Variants in HMGCLL1 observed in about 807,000 individuals in gnomAD.
The protein encoded by HMGCLL1 is 3-hydroxymethyl-3-methylglutaryl-CoA lyase, cytoplasmic.
HMGCLL1 carries 36 observed loss-of-function variants against 39.1 expected under a neutral mutation model. The observed-to-expected ratio is 0.92, with a 90% CI of 0.71 to 1.22. The LOEUF is 1.22. HMGCLL1 is among the 50% of genes most tolerant of loss of function. HMGCLL1 has a pLI of 0.00. For missense variants in HMGCLL1, 451 were observed against 416.5 expected (o/e 1.08, Z -0.72); for synonymous variants, 149 against 144.0 (o/e 1.03, Z -0.25).
At chr6:55,579,932 T>A (rs1771942752), upstream of HMGCLL1, among the ~76,000 whole-genome samples, 1 of 152,298 alleles carries the variant, frequency 6.6e-6, no homozygotes, top group South Asian at 2.1e-4. Context: ...CACTTTCACA[T>A]GTAAACTTAC....
chr6:55,540,141 G>T (rs77864076), intron 3 of HMGCLL1, among the ~76,000 whole-genome samples: 2 of 151,816 alleles, frequency 1.3e-5, no homozygotes, highest in African/African-American at 4.8e-5. Flanking sequence ...AAAGTATGAC[G>T]AATGGAGAAA....
chr6:55,579,216 C>G, upstream of HMGCLL1: 1 of 622,820 alleles, frequency 1.6e-6, no homozygotes, highest in South Asian at 1.9e-5. Flanking sequence ...GCCGAGAGGG[C>G]GGGGAGTGGG....
the HMGCLL1 span, among the ~76,000 whole-genome samples, chr6:55,599,294 C>A: frequency 6.6e-6 from 1 of 152,098 alleles, no homozygotes; most frequent in African/African-American, 2.4e-5. Flanking sequence ...AAAAAGAACT[C>A]TTGAAGCTCA....
chr6:55,629,642 G>A, the HMGCLL1 span, among the ~76,000 whole-genome samples: 3 of 152,146 alleles, frequency 2.0e-5, no homozygotes, highest in African/African-American at 7.2e-5. Context: ...TGGAGGCCTA[G>A]GAAGAAAAAG....
At chr6:55,618,029 A>G in the HMGCLL1 span, among the ~76,000 whole-genome samples, 4 of 152,148 alleles carry the variant, frequency 2.6e-5, no homozygotes, top group Non-Finnish European at 5.9e-5. Context: ...TGCATGTAGT[A>G]TGATTGCATT....
At chr6:55,672,337 T>A in the HMGCLL1 span, among the ~76,000 whole-genome samples, 1 of 151,834 alleles carries the variant, frequency 6.6e-6, no homozygotes, top group African/African-American at 2.4e-5. Context: ...TTTTGTGAAT[T>A]TAAGTTTTAT....
the HMGCLL1 span, among the ~76,000 whole-genome samples, chr6:55,653,452 AT>A: frequency 6.6e-6 from 1 of 152,088 alleles, no homozygotes; most frequent in African/African-American, 2.4e-5. Flanking sequence ...GAAAAAATAC[AT>A]TTTTTATTAC....
Position 55,542,698 on chromosome 6 carries a change from G to A in HMGCLL1, c.109-558C>T, listed in dbSNP as rs1056129035. ...GGAGGCTGAGGTAGGAGAATCACTT[G>A]AACCCAGGAGGCGGAGGTTGCAGTG... On this transcript the variant is annotated intron_variant, in intron 1 of 8. Transcript: ENST00000274901. 2.7e-5 allele frequency among the ~76,000 whole-genome samples: 4 copies of A among 150,924 alleles called. No individual in the cohort carries two copies. The East Asian group carries it at 7.8e-4, about 29-fold the overall frequency.
chr6:55,578,814 C>G (rs1330102543), intron 1 of HMGCLL1, 134 bp downstream of exon 1: 1 of 678,618 alleles, frequency 1.5e-6, no homozygotes, highest in Non-Finnish European at 2.6e-6. Context: ...CCTAACACGA[C>G]AGAACTGCTG....
chr6:55,590,057 A>T, the HMGCLL1 span, among the ~76,000 whole-genome samples: 1 of 152,134 alleles, frequency 6.6e-6, no homozygotes, highest in Non-Finnish European at 1.5e-5. Flanking sequence ...AACTACTTTA[A>T]AGTTCATATG....
chr6:55,479,077 C>G (rs1765599168), intron 7 of HMGCLL1, among the ~76,000 whole-genome samples: 1 of 151,472 alleles, frequency 6.6e-6, no homozygotes, highest in Non-Finnish European at 1.5e-5. Flanking sequence ...AAAGTTTAAG[C>G]TGAAAGAAAT....
the HMGCLL1 span, among the ~76,000 whole-genome samples, chr6:55,633,995 T>G: frequency 6.6e-6 from 1 of 152,144 alleles, no homozygotes; most frequent in Non-Finnish European, 1.5e-5. Flanking sequence ...TTTTGTATTC[T>G]TATATCATAT....
the HMGCLL1 span, among the ~76,000 whole-genome samples, chr6:55,665,817 C>A: frequency 6.6e-6 from 1 of 151,732 alleles, no homozygotes; most frequent in African/African-American, 2.4e-5. Context: ...TCTAAAATTT[C>A]TCAAGATAAG....
intron 5 of HMGCLL1, among the ~76,000 whole-genome samples, chr6:55,503,250 T>C (rs942859173): frequency 2.0e-5 from 3 of 151,834 alleles, no homozygotes; most frequent in Non-Finnish European, 4.4e-5. Context: ...CCACAACCCA[T>C]AAAAATAGCT....
intron 8 of HMGCLL1, among the ~76,000 whole-genome samples, chr6:55,438,140 T>G (rs1216329132): frequency 6.6e-6 from 1 of 152,068 alleles, no homozygotes; most frequent in Non-Finnish European, 1.5e-5. Context: ...TCATCTAAAT[T>G]TCTAAGAAAG....
At chr6:55,609,573 A>G in the HMGCLL1 span, among the ~76,000 whole-genome samples, 2 of 152,122 alleles carry the variant, frequency 1.3e-5, no homozygotes, top group Admixed American at 6.5e-5. Context: ...GCCTCCATGG[A>G]CCAGCAGACT....
At chr6:55,450,840 C>A (rs780633091) in intron 7 of HMGCLL1, among the ~76,000 whole-genome samples, 61 of 152,188 alleles carry the variant, frequency 4.0e-4, no homozygotes, top group Non-Finnish European at 7.1e-4. Flanking sequence ...ATAGAAAAAA[C>A]TGTCCTTTGA....
chr6:55,664,942 C>T, the HMGCLL1 span, among the ~76,000 whole-genome samples: 1 of 151,516 alleles, frequency 6.6e-6, no homozygotes, highest in Non-Finnish European at 1.5e-5. Flanking sequence ...GAGAAAGAGA[C>T]AGAAAGGGAG....
chr6:55,650,830 C>T, the HMGCLL1 span, among the ~76,000 whole-genome samples: 41 of 152,132 alleles, frequency 2.7e-4, no homozygotes, highest in African/African-American at 9.4e-4. Context: ...CACAATCTGT[C>T]CACAGGGTGT....
Sources: allele counts gnomAD v4.1 joint callset (sites outside exome capture counted in the v4.1 genomes callset), GRCh38; gene constraint gnomAD v4.1.1; transcripts MANE v1.5; gene names NCBI Gene and HGNC (gene_info 2026-07-23, HGNC 2026-07-21).